Variants in CTC1 observed in about 807,000 individuals in gnomAD.
The protein encoded by CTC1 is CST complex subunit CTC1.
A neutral mutation model predicts 136.3 loss-of-function variants in CTC1; 91 were observed. That is an observed-to-expected ratio of 0.67 (90% confidence interval 0.56 to 0.79). The LOEUF is 0.79. Ranked by LOEUF, CTC1 falls within the 30% of genes least tolerant of loss-of-function variation. CTC1 has a pLI of 0.00. For missense variants in CTC1, 1,432 were observed against 1,498.1 expected, an observed-to-expected ratio of 0.96 and a Z score of 0.73; for synonymous variants, 606 against 613.8, an observed-to-expected ratio of 0.99 and a Z score of 0.19.
intron 18 of CTC1, 82 bp downstream of exon 18, chr17:8,229,809 G>T: frequency 8.3e-7 from 1 of 1,205,990 alleles, no homozygotes; most frequent in Non-Finnish European, 1.2e-6. Flanking sequence ...CTGTAATGAT[G>T]GCAAAATCTT....
chr17:8,236,151 C>T lies in CTC1; in HGVS notation c.984G>A (p.Glu328=). The change falls in exon 6 of 23, where the codon GAG becomes GAA. Residue 328 remains glutamate, a synonymous_variant. Transcript: ENST00000651323. ...GCATGGGGAGTGGCTTGGGGTCAGC[C>T]TCTAAGAGGGGTCCTTCCAGCTCCA... is the stretch of plus-strand genomic sequence containing the variant. ...LELELEGPLL[E]ADPKPLPMPS... 1 of 1,614,216 alleles carries T rather than the reference C, an allele frequency of 6.2e-7. No homozygotes were observed. The highest frequency in any genetic ancestry group is 1.1e-5 in the South Asian group (1 of 91,090).
Position 8,232,172 on chromosome 17 carries a change from A to G in CTC1, c.2116T>C (p.Cys706Arg). ...DALILPVPRPCLHSATPSTPQ... is the reference protein window; with the variant it reads ...DALILPVPRPRLHSATPSTPQ... ...GTTGAGGGTGTTGCTGAATGAAGGC[A>G]GGGTCTGGGCACAGGCAGGATCAGG... The change falls in exon 13 of 23, where the codon TGC becomes CGC. Residue 706 changes from cysteine to arginine, a missense_variant. By Grantham distance (180) the Cys-to-Arg change is radical (BLOSUM62 -3). Coordinates refer to ENST00000651323, the MANE Select transcript of CTC1 (RefSeq NM_025099.6). 1 of 1,525,566 alleles carries G rather than the reference A, an allele frequency of 6.6e-7. No homozygotes were observed. Among genetic ancestry groups the G allele is most frequent in the South Asian group, 1.3e-5 (1 of 75,470 alleles). The allele number at this position is 1,525,566 out of a possible 1,614,324, so 94.5% of individuals were successfully genotyped here. A position where few individuals can be genotyped will look rare whatever the true frequency, so the allele number is the denominator to read the frequency against.
chr17:8,237,269 C>T (rs375137539), intron 5 of CTC1, 106 bp downstream of exon 5: 1 of 1,298,308 alleles, frequency 7.7e-7, no homozygotes. Flanking sequence ...CAGCTCTCCC[C>T]AGCTGTCCTC....
intron 2 of CTC1, among the ~76,000 whole-genome samples, chr17:8,239,401 C>T (rs1988026677): frequency 6.6e-6 from 1 of 152,090 alleles, no homozygotes; most frequent in South Asian, 2.1e-4. Context: ...GTACTAGAGA[C>T]TAGGGGGGAA....
At chr17:8,241,692 T>C (rs916907142) in intron 2 of CTC1, among the ~76,000 whole-genome samples, 2 of 151,652 alleles carry the variant, frequency 1.3e-5, no homozygotes, top group African/African-American at 4.8e-5. Context: ...GGAGGACTGC[T>C]TGAGCCTGAG....
chr17:8,242,531 G>GAA, intron 2 of CTC1, among the ~76,000 whole-genome samples: 1 of 79,728 alleles, frequency 1.3e-5, no homozygotes, highest in African/African-American at 5.4e-5. Context: ...ATAGTGTAGA[G>GAA]AGAAAAAAAA....
intron 5 of CTC1, among the ~76,000 whole-genome samples, 193 bp downstream of exon 5, chr17:8,237,182 C>G (rs536836647): frequency 5.9e-5 from 9 of 152,174 alleles, no homozygotes; most frequent in African/African-American, 1.9e-4. Context: ...GTGAGTTGCA[C>G]AGCGGGAAAG....
Position 8,238,547 on chromosome 17 carries a change from C to A in CTC1, c.280G>T (p.Ala94Ser). The A allele has an allele frequency of 6.2e-7, 1 of 1,614,148 alleles. No homozygotes were observed. The highest frequency in any genetic ancestry group is 8.5e-7 in the Non-Finnish European group (1 of 1,180,010). ...TTTGGTCCAGCCTCTTGGGCCCAGG[C>A]CTGGTATGCACTACTGCTCCACGAC... Reference protein sequence around the residue: ...HLSWSSSAYQAWAQEAGPNGN... With the variant: ...HLSWSSSAYQSWAQEAGPNGN... The change falls in exon 3 of 23, where the codon GCC becomes TCC. Residue 94 changes from alanine to serine, a missense_variant. By Grantham distance (99) the Ala-to-Ser change is moderately conservative. Coordinates refer to ENST00000651323, the MANE Select transcript of CTC1 (RefSeq NM_025099.6).
At chr17:8,237,836 T>C (rs867050806) in intron 4 of CTC1, among the ~76,000 whole-genome samples, 195 bp downstream of exon 4, 2 of 152,146 alleles carry the variant, frequency 1.3e-5, no homozygotes, top group East Asian at 1.9e-4. Context: ...CAAAATTCTC[T>C]TTCCCTTAGG....
chr17:8,234,356 A>G (rs774111753), intron 10 of CTC1, 99 bp downstream of exon 10: 19 of 1,147,274 alleles, frequency 1.7e-5, no homozygotes, highest in East Asian at 2.6e-5. Flanking sequence ...AGGCTAGTGT[A>G]GTCAAAATGA....
In CTC1 at chr17:8,231,439, A is replaced by G. The variant is rs62637612; in HGVS notation, c.2506T>C (p.Ser836Pro). 1.4e-4 allele frequency: 232 copies of G among 1,612,008 alleles called. No homozygotes were observed. Among genetic ancestry groups the G allele is most frequent in the Non-Finnish European group, 1.8e-4 (215 of 1,179,050 alleles). The change falls in exon 15 of 23, where the codon TCC (serine) becomes CCC (proline). Residue 836 changes from serine (S) to proline (P), a missense_variant. Coordinates refer to ENST00000651323, the MANE Select transcript of CTC1 (RefSeq NM_025099.6). Reference sequence around the variant, plus strand: ...TCCAGAGGACGCCGAGATATGCAGGATGAACCATCCTTTTCAAACAACATT... The same window carrying G: ...TCCAGAGGACGCCGAGATATGCAGGGTGAACCATCCTTTTCAAACAACATT... ...TPMLFEKDGSSCISRRPLELA... is the reference protein window; with the variant it reads ...TPMLFEKDGSPCISRRPLELA...
At position 8,231,433 on chromosome 17, in the gene CTC1, T is replaced by G. The variant is rs1987213433; in HGVS notation, c.2512A>C (p.Ile838Leu). The G allele has an allele frequency of 6.2e-7, 1 of 1,612,584 alleles. No homozygotes were observed. The highest frequency in any genetic ancestry group is 1.3e-5 in the African/African-American group (1 of 74,878). The change falls in exon 15 of 23, where the codon ATA becomes CTA. Residue 838 changes from isoleucine to leucine, a missense_variant. By Grantham distance (5) the Ile-to-Leu change is conservative. Coordinates refer to ENST00000651323, the MANE Select transcript of CTC1 (RefSeq NM_025099.6). Reference sequence around the variant, plus strand: ...GCCAACTCCAGAGGACGCCGAGATATGCAGGATGAACCATCCTTTTCAAAC... The same window carrying G: ...GCCAACTCCAGAGGACGCCGAGATAGGCAGGATGAACCATCCTTTTCAAAC... ...MLFEKDGSSC[I>L]SRRPLELAGC...
At chr17:8,230,187 A>G in intron 17 of CTC1, 107 bp downstream of exon 17, 1 of 1,199,606 alleles carries the variant, frequency 8.3e-7, no homozygotes, top group Non-Finnish European at 1.2e-6. Context: ...ATATATGGAA[A>G]CCTGTATGAA....
At chr17:8,230,506 G>T in intron 16 of CTC1, 38 bp from the exon 17 acceptor site, 1 of 1,613,502 alleles carries the variant, frequency 6.2e-7, no homozygotes. Flanking sequence ...GATCTGTGAA[G>T]TCCACAAAGT....
At chr17:8,233,322 G>C (rs1455031340) in intron 10 of CTC1, 2 of 303,658 alleles carry the variant, frequency 6.6e-6, no homozygotes, top group Non-Finnish European at 1.3e-5. Flanking sequence ...ATATGCACTG[G>C]GAGGCACGCA....
rs1987670848 is a variant in CTC1 at position 8,235,885 on chromosome 17, G to A, written c.1152C>T (p.Ala384=). ...ELDGQLGLCL[A]YQQFRGLRRV... ...GCCTAAGGCCACGGAACTGCTGGTA[G>A]GCAAGGCAGAGCCCCAGCTGCCCAT... Residue 384 remains alanine, a synonymous_variant, in exon 7 of 23, where the codon GCC becomes GCT. Transcript: ENST00000651323. The A allele has an allele frequency of 6.2e-7, 1 of 1,613,860 alleles. No individual in the cohort carries two copies. The highest frequency in any genetic ancestry group is 1.3e-5 in the African/African-American group (1 of 74,918).
Position 8,227,507 on chromosome 17 carries a change from C to G in CTC1, c.*673G>C, listed in dbSNP as rs991903758. Reference sequence around the variant, plus strand: ...TGCTTGTGCCTGGCACTTGCCTCCCCCTACACCTTCTTTGTGCTTGTGAAC... The same window carrying G: ...TGCTTGTGCCTGGCACTTGCCTCCCGCTACACCTTCTTTGTGCTTGTGAAC... On this transcript the variant is annotated 3_prime_UTR_variant, in exon 23 of 23. Transcript: ENST00000651323. The G allele has an allele frequency of 3.3e-5, 5 of 152,710 alleles. No homozygotes were observed. Among genetic ancestry groups the G allele is most frequent in the Non-Finnish European group, 7.3e-5 (5 of 68,634 alleles). 9.5% of individuals were successfully genotyped at this position (152,710 alleles called of 1,614,324 possible). A position where few individuals can be genotyped will look rare whatever the true frequency, so the allele number is the denominator to read the frequency against.
At chr17:8,232,635 CCTT>C in intron 11 of CTC1, 160 bp from the exon 12 acceptor site, 2 of 674,024 alleles carry the variant, frequency 3.0e-6, no homozygotes, top group Non-Finnish European at 5.1e-6. Context: ...AGGGGTGACA[CCTT>C]CTCTCCAAAC....
At position 8,227,065 on chromosome 17, in the gene CTC1, A is replaced by G. The variant is rs575511953; in HGVS notation, c.*1115T>C. On this transcript the variant is annotated 3_prime_UTR_variant, in exon 23 of 23. Transcript: ENST00000651323. The stretch of plus-strand genomic sequence containing the variant: ...CTCTAACCAACTGAGCTAACCGGCC[A>G]CTAACTTTCCGGGTCTACTTCAAAT... The G allele has an allele frequency of 1.1e-3, 175 of 152,504 alleles. No homozygotes were observed. Among genetic ancestry groups the G allele is most frequent in the African/African-American group, 4.1e-3 (169 of 41,562 alleles). The allele number at this position is 152,504 out of a possible 1,614,324, so 9.4% of individuals were successfully genotyped here.
Sources: gnomAD v4.1 joint callset for allele counts (sites outside exome capture counted in the v4.1 genomes callset) on GRCh38, gnomAD v4.1.1 for gene constraint, MANE v1.5 for transcripts, NCBI Gene and HGNC (gene_info 2026-07-23, HGNC 2026-07-21) for gene names.